KRT2: variants seen among roughly 807,000 people sequenced by gnomAD.
KRT2 encodes the protein keratin, type II cytoskeletal 2 epidermal.
A neutral mutation model predicts 48.5 loss-of-function variants in KRT2; 37 were observed. That is an observed-to-expected ratio of 0.76 (90% CI 0.59 to 1.00). The LOEUF is 1.00. KRT2 is among the 50% of genes least tolerant of loss of function. The pLI is 0.00. For missense variants in KRT2, 880 were observed against 815.2 expected, an observed-to-expected ratio of 1.08 and a Z score of -0.97; for synonymous variants, 324 against 312.2, an observed-to-expected ratio of 1.04 and a Z score of -0.40.
At chr12:52,648,614 C>T (rs1017364831) in intron 4 of KRT2, among the ~76,000 whole-genome samples, 1 of 152,144 alleles carries the variant, frequency 6.6e-6, no homozygotes, top group Admixed American at 6.5e-5. Flanking sequence ...ATGGCAAATA[C>T]CTTAAATGGA....
intron 5 of KRT2, 84 bp from the exon 6 acceptor site, chr12:52,647,939 T>C (rs1339225675): frequency 3.3e-5 from 52 of 1,570,818 alleles, no homozygotes; most frequent in Non-Finnish European, 9.6e-6. Flanking sequence ...GGAGAGCTGG[T>C]TACTGGTCCA....
At chr12:52,649,236 A>T in intron 3 of KRT2, 134 bp from the exon 4 acceptor site, 1 of 702,008 alleles carries the variant, frequency 1.4e-6, no homozygotes, top group Non-Finnish European at 2.6e-6. Context: ...CCCTGTCCCC[A>T]TGGGACTTCT....
chr12:52,651,251 T>C (rs1941243496), intron 1 of KRT2, among the ~76,000 whole-genome samples: 1 of 152,250 alleles, frequency 6.6e-6, no homozygotes, highest in South Asian at 2.1e-4. Flanking sequence ...TCCAGTGGCC[T>C]GTCCCAAGGA....
Position 52,645,559 on chromosome 12 carries a change from C to G in KRT2, c.1480G>C (p.Asp494His), listed in dbSNP as rs777454678. The G allele has an allele frequency of 6.8e-6, 11 of 1,614,070 alleles. No homozygotes were observed. Among genetic ancestry groups the G allele is most frequent in the South Asian group, 1.1e-5 (1 of 91,080 alleles). The stretch of plus-strand genomic sequence containing the variant: ...CACACAGTCACATTGCTGCTGAGGT[C>G]TCCAGACATCCTGTAAGGGAGAGAG... ...LEGEECRMSG[D>H]LSSNVTVSVT... The change falls in exon 8 of 9, where the codon GAC (aspartate) becomes CAC (histidine). Residue 494 changes from aspartate to histidine, a missense_variant. Coordinates refer to ENST00000309680, the MANE Select transcript of KRT2 (RefSeq NM_000423.3).
rs1300265758 is a variant in KRT2 at position 52,651,617 on chromosome 12, C to T, written c.526G>A (p.Ala176Thr). 3.7e-6 allele frequency: 6 copies of T among 1,613,992 alleles called. No homozygotes were observed. The Admixed American group carries it at 1.0e-4, about 27-fold the overall frequency. The change falls in exon 1 of 9, where the codon GCC (alanine) becomes ACC (threonine). Residue 176 changes from alanine (A) to threonine (T), a missense_variant. Physicochemically the swap from Ala to Thr is moderately conservative, Grantham distance 58 (BLOSUM62 0). Transcript: ENST00000309680. Reference sequence around the variant, plus strand: ...GTTTTGATCTGCTCACGCTCTTGGGCCTTCACATTCTGGATCTCTGGGTCA... The same window carrying T: ...GTTTTGATCTGCTCACGCTCTTGGGTCTTCACATTCTGGATCTCTGGGTCA... Reference protein sequence around the residue: ...KVDPEIQNVKAQEREQIKTLN... With the variant: ...KVDPEIQNVKTQEREQIKTLN...
At chr12:52,649,294 C>T (rs1449061421) in intron 3 of KRT2, among the ~76,000 whole-genome samples, 192 bp from the exon 4 acceptor site, 6 of 152,210 alleles carry the variant, frequency 3.9e-5, no homozygotes, top group South Asian at 2.1e-4. Context: ...TTCATGCCTA[C>T]GTCCATGGCT....
Position 52,647,786 on chromosome 12 carries a change from C to G in KRT2, c.1192G>C (p.Glu398Gln). Residue 398 changes from glutamate (E) to glutamine (Q), a missense_variant, in exon 6 of 9, where the codon GAG becomes CAG. Transcript: ENST00000309680. ...AGCCTCTGGATCACGCGGTTCAGCT[C>G]GCTGATCTCTATCTTGATCTCTTTC... The part of the protein sequence containing the change: ...SLKEIKIEIS[E>Q]LNRVIQRLQG... 2 of 1,614,034 alleles carry G rather than the reference C, an allele frequency of 1.2e-6. No homozygotes were observed. Among genetic ancestry groups the G allele is most frequent in the Non-Finnish European group, 1.7e-6 (2 of 1,179,972 alleles).
chr12:52,649,787 G>C, intron 3 of KRT2, 127 bp downstream of exon 3: 1 of 766,560 alleles, frequency 1.3e-6, no homozygotes, highest in South Asian at 1.4e-5. Flanking sequence ...AATGTGCCAT[G>C]GGTCTCACTC....
At chr12:52,646,382 G>A (rs923987676) in intron 7 of KRT2, among the ~76,000 whole-genome samples, 1 of 152,168 alleles carries the variant, frequency 6.6e-6, no homozygotes, top group Non-Finnish European at 1.5e-5. Flanking sequence ...TGGGTCACCC[G>A]GTGGAGGGCA....
chr12:52,648,458 T>A (rs564173732), intron 4 of KRT2, 121 bp from the exon 5 acceptor site: 2 of 862,848 alleles, frequency 2.3e-6, no homozygotes, highest in African/African-American at 1.6e-5. Flanking sequence ...CTAGGTGGGA[T>A]GAAAATCATG....
intron 4 of KRT2, among the ~76,000 whole-genome samples, 200 bp from the exon 5 acceptor site, chr12:52,648,537 G>A (rs937872631): frequency 2.0e-5 from 3 of 152,170 alleles, no homozygotes; most frequent in Admixed American, 6.5e-5. Flanking sequence ...CTGTATTTCT[G>A]AGCCTCCTAG....
At chr12:52,648,509 A>G (rs1941202725) in intron 4 of KRT2, among the ~76,000 whole-genome samples, 172 bp from the exon 5 acceptor site, 1 of 152,158 alleles carries the variant, frequency 6.6e-6, no homozygotes, top group Non-Finnish European at 1.5e-5. Context: ...TTGTCCTGAG[A>G]ATTGTAGTGA....
Position 52,649,007 on chromosome 12 carries a change from C to T in KRT2, c.957G>A (p.Ala319=), listed in dbSNP as rs777533202. 8.8e-6 allele frequency: 14 copies of T among 1,586,492 alleles called. No individual in the cohort carries two copies. Among genetic ancestry groups the T allele is most frequent in the Non-Finnish European group, 1.1e-5 (13 of 1,155,022 alleles). The change falls in exon 4 of 9, where the codon GCG becomes GCA. Residue 319 remains alanine, a splice_region_variant and synonymous_variant. Coordinates refer to ENST00000309680, the MANE Select transcript of KRT2 (RefSeq NM_000423.3). ...GACTGTCCCGGAGCAGCCTCCTTAC[C>T]GCATCATAGAGAACTTTCAGAAACT... ...EIEFLKVLYD[A]EISQIHQSVT... is the part of the protein sequence containing the mutation.
At position 52,652,186 on chromosome 12, in the gene KRT2, G is replaced by T. The variant is rs1018715175; in HGVS notation, c.-44C>A. ...GGAAAGTCACAGGCTCTTGAGAAGA[G>T]TCAAGGCTGGAGACTCAACTGTGCT... On this transcript the variant is annotated 5_prime_UTR_variant, in exon 1 of 9. Transcript: ENST00000309680. 3 of 1,420,508 alleles carry T rather than the reference G, an allele frequency of 2.1e-6. No homozygotes were observed. The Admixed American group carries it at 5.9e-5, about 28-fold the overall frequency. 88.0% of individuals were successfully genotyped at this position (1,420,508 alleles called of 1,614,324 possible).
Position 52,650,389 on chromosome 12 carries a change from CTG to C in KRT2, c.748_749del (p.Gln250GlufsTer6), listed in dbSNP as rs776880080. 1.2e-5 allele frequency: 20 copies of C among 1,614,088 alleles called. No individual in the cohort carries two copies. Among genetic ancestry groups the C allele is most frequent in the Non-Finnish European group, 1.7e-5 (20 of 1,180,040 alleles). ...LDGLTAERTSQNSELNNMQDL... is the reference protein window; with the variant it reads ...LDGLTAERTSXNSELNNMQDL... ...CCTGCATGTTATTCAGCTCTGAATT[CTG>C]TGATGTTCTTTCTGCAGTGAGCCCA... On this transcript the variant is annotated frameshift_variant, in exon 2 of 9. Transcript: ENST00000309680. LOFTEE classifies it high-confidence loss of function.
At chr12:52,649,626 A>G (rs1386111779) in intron 3 of KRT2, among the ~76,000 whole-genome samples, 1 of 152,234 alleles carries the variant, frequency 6.6e-6, no homozygotes, top group African/African-American at 2.4e-5. Flanking sequence ...TTAGAAGGAG[A>G]ATACAAAGAG....
intron 4 of KRT2, 32 bp downstream of exon 4, chr12:52,648,975 A>G: frequency 2.3e-6 from 3 of 1,286,990 alleles, no homozygotes; most frequent in Non-Finnish European, 3.4e-6. Context: ...AAGGGTGGGA[A>G]GTAAGGGACT....
chr12:52,645,753 C>T lies in KRT2; in HGVS notation c.1470-184G>A, dbSNP rs2232560. ...GACGACAGACCCCCTTCCATTTATG[C>T]ACAACCTTGCATGTCAATCCCTCTC... On this transcript the variant is annotated intron_variant, in intron 7 of 8. Coordinates refer to ENST00000309680, the MANE Select transcript of KRT2 (RefSeq NM_000423.3). Among the ~76,000 whole-genome samples, 4,128 of 152,316 alleles carry T rather than the reference C, an allele frequency of 0.027. 188 individuals carry two copies. Among genetic ancestry groups the T allele is most frequent in the African/African-American group, 0.094 (3,922 of 41,544 alleles).
At position 52,651,842 on chromosome 12, in the gene KRT2, T is replaced by TGCCACCTCCAAAGCC. The variant is rs57149265; in HGVS notation, c.300_301insGGCTTTGGAGGTGGC (p.Ser100_Ser101insGlyPheGlyGlyGly). 32 of 1,595,324 alleles carry TGCCACCTCCAAAGCC rather than the reference T, an allele frequency of 2.0e-5. No individual in the cohort carries two copies. Among genetic ancestry groups the TGCCACCTCCAAAGCC allele is most frequent in the Middle Eastern group, 1.7e-4 (1 of 6,032 alleles). On this transcript the variant is annotated inframe_insertion, in exon 1 of 9. Transcript: ENST00000309680. The stretch of plus-strand genomic sequence containing the variant: ...CTGAAGCCGCTGCCACCTCCAAAGC[T>TGCCACCTCCAAAGCC]GCTGCCGCCTCCAAAACCACCTCCT...
Sources: gnomAD v4.1 joint callset for allele counts (sites outside exome capture counted in the v4.1 genomes callset) on GRCh38, gnomAD v4.1.1 for gene constraint, MANE v1.5 for transcripts, NCBI Gene and HGNC (gene_info 2026-07-23, HGNC 2026-07-21) for gene names.